Variants in MED16 observed in about 807,000 individuals in gnomAD.
MED16 encodes mediator complex subunit 16.
In MED16, 81 loss-of-function variants were observed where a neutral mutation model predicts 84.4. The observed-to-expected ratio is 0.96, with a 90% CI of 0.80 to 1.15. The LOEUF (loss-of-function observed/expected upper bound fraction) is 1.15, where lower values mean the gene tolerates loss of function less well. Among genes scored for constraint, MED16 ranks in the 50% most tolerant of loss-of-function variants. MED16 has a pLI of 0.00. For missense variants in MED16, 1,585 were observed against 1,245.9 expected (o/e 1.27, Z -4.10); for synonymous variants, 897 against 552.2 (o/e 1.62, Z -8.76).
Position 868,159 on chromosome 19 carries a change from T to C in MED16, c.2576A>G (p.His859Arg). 2 of 1,611,626 alleles carry C rather than the reference T, an allele frequency of 1.2e-6. No homozygotes were observed. The highest frequency in any genetic ancestry group is 1.1e-5 in the South Asian group (1 of 90,944). Reference sequence around the variant, plus strand: ...GGATCTGGGGGTCCTGGGAGAGTGGTGTGTGGACTGCGGGCCCAGCTGGAC... The same window carrying C: ...GGATCTGGGGGTCCTGGGAGAGTGGCGTGTGGACTGCGGGCCCAGCTGGAC... ...AFVQLGPQST[H>R]HSPRTPRSLD... The change falls in exon 16 of 16, where the codon CAC becomes CGC. Residue 859 changes from histidine (H) to arginine (R), a missense_variant. Transcript: ENST00000325464.
chr19:877,534 G>A (rs956115277), intron 8 of MED16, among the ~76,000 whole-genome samples: 2 of 122,138 alleles, frequency 1.6e-5, no homozygotes, highest in Non-Finnish European at 1.9e-5. Flanking sequence ...CACTGACCTC[G>A]CTCAACAAGA....
chr19:872,399 T>A (rs1451450583), intron 11 of MED16, among the ~76,000 whole-genome samples: 1 of 152,024 alleles, frequency 6.6e-6, no homozygotes. Context: ...TATCCCCACC[T>A]GCACGTGGAG....
chr19:877,012 G>A lies in MED16; in HGVS notation c.1522C>T (p.His508Tyr), dbSNP rs1274695319. The A allele has an allele frequency of 2.5e-6, 4 of 1,612,216 alleles. No homozygotes were observed. Among genetic ancestry groups the A allele is most frequent in the Non-Finnish European group, 2.5e-6 (3 of 1,179,784 alleles). ...SMVQSLVEKL[H>Y]EEYTRQTAAL... Reference sequence around the variant, plus strand: ...GCGGTCTGGCGCGTGTACTCCTCGTGCAGCTTCTCCACCAGGCTCTGTACC... The same window carrying A: ...GCGGTCTGGCGCGTGTACTCCTCGTACAGCTTCTCCACCAGGCTCTGTACC... Residue 508 changes from histidine to tyrosine, a missense_variant, in exon 9 of 16, where the codon CAC becomes TAC. His to Tyr is a moderately conservative substitution (Grantham distance 83, BLOSUM62 2). Transcript: ENST00000325464.
In MED16 at chr19:871,258, G is replaced by T; in HGVS notation, c.2099-5C>A. 1 of 1,530,634 alleles carries T rather than the reference G, an allele frequency of 6.5e-7. No individual in the cohort carries two copies. Among genetic ancestry groups the T allele is most frequent in the Non-Finnish European group, 8.8e-7 (1 of 1,132,926 alleles). 94.8% of individuals were successfully genotyped at this position (1,530,634 alleles called of 1,614,324 possible). A position where few individuals can be genotyped will look rare whatever the true frequency, so the allele number is the denominator to read the frequency against. On this transcript the variant is annotated splice_region_variant and splice_polypyrimidine_tract_variant and intron_variant, in intron 12 of 15. Transcript: ENST00000325464. ...TCGCTGGGCCCTCATCGCGACCTGC[G>T]GAGAGAGGTGGCGGAAGTCTCAGCA... is the stretch of plus-strand genomic sequence containing the variant.
At chr19:889,907 G>A (rs1045093219) in intron 3 of MED16, 100 bp from the exon 4 acceptor site, 185 of 1,409,434 alleles carry the variant, frequency 1.3e-4, no homozygotes, top group African/African-American at 1.3e-3. Flanking sequence ...CAGTGGAGAG[G>A]TCTCGGCCCA....
chr19:891,240 C>T (rs2036625672), intron 1 of MED16, 91 bp from the exon 2 acceptor site: 2 of 1,299,340 alleles, frequency 1.5e-6, no homozygotes, highest in Admixed American at 2.2e-5. Flanking sequence ...ACAATGGAGG[C>T]CCGTGGTAGA....
At chr19:880,245 T>C in intron 7 of MED16, 97 bp from the exon 8 acceptor site, 2 of 1,211,766 alleles carry the variant, frequency 1.7e-6, no homozygotes, top group Non-Finnish European at 1.1e-6. Context: ...GAGCCGGGGC[T>C]GCCCATCCAG....
intron 7 of MED16, 126 bp downstream of exon 7, chr19:881,433 C>T (rs2036420961): frequency 1.8e-6 from 2 of 1,141,248 alleles, no homozygotes; most frequent in Admixed American, 2.7e-5. Flanking sequence ...TCCTACAGCC[C>T]CATGGCCTGT....
chr19:877,486 C>T lies in MED16; in HGVS notation c.1354-306G>A, dbSNP rs111361713. ...TGAAAGGCGGTCCTCTCAACAGCTC[C>T]TAGTTACGAAGCTCCTAATACGTGC... On this transcript the variant is annotated intron_variant, in intron 8 of 15. Transcript: ENST00000325464. Among the ~76,000 whole-genome samples the T allele has an allele frequency of 2.0e-5, 3 of 151,064 alleles. No individual in the cohort carries two copies. In the East Asian group the frequency reaches 5.8e-4, roughly 29 times the overall value.
Position 868,853 on chromosome 19 carries a change from G to A in MED16, c.2399+10C>T. 4 of 1,546,234 alleles carry A rather than the reference G, an allele frequency of 2.6e-6. No individual in the cohort carries two copies. The highest frequency in any genetic ancestry group is 1.2e-5 in the South Asian group (1 of 84,054). On this transcript the variant is annotated intron_variant, in intron 14 of 15. Transcript: ENST00000325464. ...ATCTCTGGGAGTCAGCGGTTCCGGG[G>A]GCCCCTCACCTGGTGCAGGCCTTGC... is the stretch of plus-strand genomic sequence containing the variant.
At chr19:890,278 C>CA (rs748400829) in intron 2 of MED16, 34 bp from the exon 3 acceptor site, 8 of 1,405,254 alleles carry the variant, frequency 5.7e-6, no homozygotes, top group Middle Eastern at 1.8e-4. Context: ...CACGGCCTGG[C>CA]ACCACAGCCT....
chr19:871,663 C>A (rs1157142450), intron 12 of MED16: 1 of 1,582,280 alleles, frequency 6.3e-7, no homozygotes, highest in East Asian at 2.3e-5. Context: ...GTGCTAGGAA[C>A]TGGGGAAATA....
intron 13 of MED16, among the ~76,000 whole-genome samples, chr19:870,490 G>C (rs950510937): frequency 6.6e-6 from 1 of 151,726 alleles, no homozygotes; most frequent in African/African-American, 2.4e-5. Flanking sequence ...GAACCCGAGA[G>C]GCAGACGTTG....
chr19:880,062 C>A lies in MED16; in HGVS notation c.1228G>T (p.Ala410Ser), dbSNP rs751880674. 2.5e-6 allele frequency: 4 copies of A among 1,611,218 alleles called. No homozygotes were observed. The highest frequency in any genetic ancestry group is 2.2e-5 in the East Asian group (1 of 44,866). The change falls in exon 8 of 16, where the codon GCC becomes TCC. Residue 410 changes from alanine (A) to serine (S), a missense_variant. Physicochemically the swap from Ala to Ser is moderately conservative, Grantham distance 99. Transcript: ENST00000325464. ...GCCGGCTCATCCACAGGCCTCGGGG[C>A]CGCGGAGCTGTAGAAGACGGCCATG... is the stretch of plus-strand genomic sequence containing the variant. The part of the protein sequence containing the change: ...QTMAVFYSSA[A>S]PRPVDEPAMK...
intron 4 of MED16, among the ~76,000 whole-genome samples, chr19:889,157 C>A (rs527882641): frequency 6.9e-6 from 1 of 144,760 alleles, no homozygotes; most frequent in African/African-American, 2.8e-5. Context: ...ACTGTCCCCC[C>A]CAACCCTGGC....
rs771306272 is a variant in MED16, at chr19:877,193, G to A, written c.1354-13C>T. 3 of 1,600,192 alleles carry A rather than the reference G, an allele frequency of 1.9e-6. No homozygotes were observed. The highest frequency in any genetic ancestry group is 1.7e-5 in the Admixed American group (1 of 58,374). On this transcript the variant is annotated splice_polypyrimidine_tract_variant and intron_variant, in intron 8 of 15. Coordinates refer to ENST00000325464, the MANE Select transcript of MED16 (RefSeq NM_005481.3). ...GGAGCACGCTCAGCTGCCAGAGACAGAGCCCAAGGAGAGCCCGGTGAGATG... is the reference window on the plus strand; with the variant it reads ...GGAGCACGCTCAGCTGCCAGAGACAAAGCCCAAGGAGAGCCCGGTGAGATG...
In MED16 at chr19:871,106, C is replaced by A; in HGVS notation, c.2246G>T (p.Arg749Leu). 6.5e-7 allele frequency: 1 copy of A among 1,548,724 alleles called. No individual in the cohort carries two copies. Among genetic ancestry groups the A allele is most frequent in the Non-Finnish European group, 8.7e-7 (1 of 1,146,032 alleles). ...VSRLQPKQPLRLQFGRAPTLP... is the reference protein window; with the variant it reads ...VSRLQPKQPLLLQFGRAPTLP... ...CGTGGGCGCCCGGCCAAACTGCAGA[C>A]GAAGGGGCTGCTTGGGCTGCAGGCG... The change falls in exon 13 of 16, where the codon CGT (arginine) becomes CTT (leucine). Residue 749 changes from arginine to leucine, a missense_variant. Coordinates refer to ENST00000325464, the MANE Select transcript of MED16 (RefSeq NM_005481.3).
At chr19:870,436 C>T (rs1287093428) in intron 13 of MED16, among the ~76,000 whole-genome samples, 1 of 152,034 alleles carries the variant, frequency 6.6e-6, no homozygotes, top group Non-Finnish European at 1.5e-5. Context: ...TGGCTCATGC[C>T]TGTAATCCCA....
chr19:888,129 G>A (rs1034361694), intron 4 of MED16, among the ~76,000 whole-genome samples: 6 of 150,482 alleles, frequency 4.0e-5, no homozygotes, highest in Admixed American at 2.6e-4. Flanking sequence ...GCTTGAGCCC[G>A]GGAGGGAGAG....
Sources: gnomAD v4.1 joint callset for allele counts (sites outside exome capture counted in the v4.1 genomes callset) on GRCh38, gnomAD v4.1.1 for gene constraint, MANE v1.5 for transcripts, NCBI Gene and HGNC (gene_info 2026-07-23, HGNC 2026-07-21) for gene names.